The following PDE4D variants were observed in gnomAD, a reference collection of about 807,000 sequenced individuals.
The protein encoded by PDE4D is phosphodiesterase 4D, also known as 3',5'-cyclic-AMP phosphodiesterase 4D.
A neutral mutation model predicts 87.4 loss-of-function variants in PDE4D; 24 were observed. The ratio of observed to expected loss-of-function variants is 0.27; its 90% confidence interval spans 0.20 to 0.39. PDE4D has a LOEUF of 0.39. PDE4D is among the 10% of genes least tolerant of loss of function. PDE4D has a pLI of 1.00. For missense variants in PDE4D, 714 were observed against 1,041.0 expected (o/e 0.69, Z 4.32); for synonymous variants, 384 against 383.2 (o/e 1.00, Z -0.02).
chr5:60,378,433 T>G (rs962620697), intron 1 of PDE4D, among the ~76,000 whole-genome samples: 3 of 152,340 alleles, frequency 2.0e-5, no homozygotes, highest in African/African-American at 7.2e-5. Context: ...TTTCAACATC[T>G]CATTAGTGCT....
chr5:59,044,901 T>A (rs943719508), intron 5 of PDE4D, among the ~76,000 whole-genome samples: 2 of 152,252 alleles, frequency 1.3e-5, no homozygotes, highest in African/African-American at 4.8e-5. Context: ...AGTAGAATTT[T>A]TATATGAAAT....
intron 1 of PDE4D, among the ~76,000 whole-genome samples, chr5:60,418,697 T>C (rs1202505147): frequency 1.3e-5 from 2 of 152,082 alleles, no homozygotes; most frequent in Non-Finnish European, 2.9e-5. Flanking sequence ...GAATGGAGTA[T>C]CCATTCCCTC....
chr5:59,684,225 C>A (rs1300367230), intron 1 of PDE4D, among the ~76,000 whole-genome samples: 1 of 152,122 alleles, frequency 6.6e-6, no homozygotes, highest in Non-Finnish European at 1.5e-5. Flanking sequence ...GTTATTCTTC[C>A]TTCTTCTGTC....
chr5:60,119,414 C>T (rs575039652), intron 2 of PDE4D, among the ~76,000 whole-genome samples: 3 of 152,192 alleles, frequency 2.0e-5, no homozygotes, highest in Non-Finnish European at 2.9e-5. Flanking sequence ...GGATATCTTT[C>T]CTCCAGTGAA....
intron 2 of PDE4D, among the ~76,000 whole-genome samples, chr5:60,078,985 T>C (rs1773626445): frequency 6.6e-6 from 1 of 152,222 alleles, no homozygotes; most frequent in Non-Finnish European, 1.5e-5. Flanking sequence ...ATGGTTGAAC[T>C]AATTTACATT....
chr5:60,050,295 T>A (rs1769959464), intron 2 of PDE4D, among the ~76,000 whole-genome samples: 1 of 151,992 alleles, frequency 6.6e-6, no homozygotes, highest in Admixed American at 6.5e-5. Context: ...ACCCAGTACC[T>A]CAGATGGAAA....
chr5:60,326,370 A>T (rs1442560917), intron 1 of PDE4D, among the ~76,000 whole-genome samples: 1 of 152,076 alleles, frequency 6.6e-6, no homozygotes, highest in Non-Finnish European at 1.5e-5. Flanking sequence ...TCTGCTAGGT[A>T]TCTCTGACTC....
At chr5:59,000,783 G>A (rs1367837573) in intron 6 of PDE4D, among the ~76,000 whole-genome samples, 1 of 152,084 alleles carries the variant, frequency 6.6e-6, no homozygotes, top group Non-Finnish European at 1.5e-5. Context: ...CTGCCTCCCG[G>A]GTTCAAGCGA....
At chr5:60,483,355 T>C (rs1748880225) in intron 1 of PDE4D, among the ~76,000 whole-genome samples, 1 of 152,184 alleles carries the variant, frequency 6.6e-6, no homozygotes, top group Non-Finnish European at 1.5e-5. Flanking sequence ...TTCTACCCAG[T>C]ACTTTTTGCA....
chr5:59,445,440 A>C (rs137905685), intron 1 of PDE4D, among the ~76,000 whole-genome samples: 1 of 152,288 alleles, frequency 6.6e-6, no homozygotes, highest in Non-Finnish European at 1.5e-5. Flanking sequence ...TATGGTATTA[A>C]ATTGACCCTA....
chr5:59,623,013 T>C (rs978988817), intron 1 of PDE4D, among the ~76,000 whole-genome samples: 2 of 152,186 alleles, frequency 1.3e-5, no homozygotes, highest in Non-Finnish European at 2.9e-5. Flanking sequence ...TGACACTGAT[T>C]GTGAGATGCA....
At chr5:59,129,267 T>C (rs1441002710) in intron 5 of PDE4D, among the ~76,000 whole-genome samples, 1 of 152,054 alleles carries the variant, frequency 6.6e-6, no homozygotes, top group Non-Finnish European at 1.5e-5. Flanking sequence ...CAGATGGTTT[T>C]GTTCTTTGTT....
intron 1 of PDE4D, among the ~76,000 whole-genome samples, chr5:59,811,748 T>A (rs1257497296): frequency 6.6e-6 from 1 of 152,246 alleles, no homozygotes; most frequent in Non-Finnish European, 1.5e-5. Context: ...GAGCTGCCAC[T>A]ATCTAGGCAC....
intron 1 of PDE4D, among the ~76,000 whole-genome samples, chr5:60,510,658 A>G (rs1167971915): frequency 2.0e-5 from 3 of 152,208 alleles, no homozygotes; most frequent in Non-Finnish European, 4.4e-5. Flanking sequence ...GGAGGGCCTT[A>G]CATCTTAATG....
chr5:59,800,139 A>C (rs1209637148), intron 1 of PDE4D, among the ~76,000 whole-genome samples: 10 of 152,210 alleles, frequency 6.6e-5, no homozygotes, highest in Non-Finnish European at 1.5e-4. Context: ...CTCAAGCCAC[A>C]GAGTTTTTAT....
At chr5:60,024,646 G>A (rs914697516) in intron 2 of PDE4D, among the ~76,000 whole-genome samples, 3 of 152,048 alleles carry the variant, frequency 2.0e-5, no homozygotes, top group African/African-American at 7.2e-5. Context: ...AACTCCAAAT[G>A]AGCACTGCAG....
chr5:59,734,269 T>C (rs1395281085), intron 1 of PDE4D, among the ~76,000 whole-genome samples: 1 of 152,032 alleles, frequency 6.6e-6, no homozygotes, highest in African/African-American at 2.4e-5. Flanking sequence ...TAGGATAAAA[T>C]AGTGTATTCT....
chr5:58,977,373 C>T (rs753783491), intron 11 of PDE4D, 28 bp from the exon 12 acceptor site: 2 of 1,586,832 alleles, frequency 1.3e-6, no homozygotes, highest in Admixed American at 1.9e-5. Context: ...GGCCAAAGAT[C>T]AGCAAAACTG....
At chr5:60,246,140 C>T (rs759625462) in intron 1 of PDE4D, among the ~76,000 whole-genome samples, 3 of 151,648 alleles carry the variant, frequency 2.0e-5, no homozygotes, top group Non-Finnish European at 3.0e-5. Context: ...CTTATATAGG[C>T]ATTTAAAGCT....
Sources: allele counts gnomAD v4.1 joint callset (sites outside exome capture counted in the v4.1 genomes callset), GRCh38; gene constraint gnomAD v4.1.1; transcripts MANE v1.5; gene names NCBI Gene and HGNC (gene_info 2026-07-23, HGNC 2026-07-21).